The following PCP4 variants were observed in gnomAD, a reference collection of about 807,000 sequenced individuals.
The protein encoded by PCP4 is calmodulin regulator protein PCP4.
A neutral mutation model predicts 10.0 loss-of-function variants in PCP4; 8 were observed. The observed-to-expected ratio is 0.80, with a 90% CI of 0.47 to 1.45. The LOEUF (loss-of-function observed/expected upper bound fraction) is 1.45. Ranked by LOEUF, PCP4 falls within the 40% of genes most tolerant of loss-of-function variation. PCP4 has a pLI of 0.00. For missense variants in PCP4, 54 were observed against 74.4 expected, an observed-to-expected ratio of 0.73 and a Z score of 1.01; for synonymous variants, 21 against 23.0, an observed-to-expected ratio of 0.91 and a Z score of 0.24.
chr21:39,896,468 G>A (rs1333679963), intron 1 of PCP4, among the ~76,000 whole-genome samples: 1 of 152,040 alleles, frequency 6.6e-6, no homozygotes, highest in Admixed American at 6.6e-5. Context: ...AAAAGAGGAG[G>A]CATCAACATA....
chr21:39,913,990 CGT>C (rs2087555136), intron 2 of PCP4, among the ~76,000 whole-genome samples: 1 of 5,170 alleles, frequency 1.9e-4, no homozygotes, highest in Non-Finnish European at 3.7e-4. Context: ...GACGCAGAAA[CGT>C]GTGTCATGAA....
intron 1 of PCP4, among the ~76,000 whole-genome samples, chr21:39,868,513 G>A (rs895931737): frequency 2.0e-5 from 3 of 152,200 alleles, no homozygotes; most frequent in Admixed American, 2.0e-4. Context: ...TTAGGACAAA[G>A]CCAGGGGTTT....
chr21:39,901,829 C>T (rs771882773), intron 2 of PCP4, among the ~76,000 whole-genome samples: 5 of 152,000 alleles, frequency 3.3e-5, no homozygotes, highest in African/African-American at 9.7e-5. Context: ...GATATTTGTA[C>T]GTGATACTTT....
intron 1 of PCP4, among the ~76,000 whole-genome samples, chr21:39,877,718 AC>A (rs1236649970): frequency 1.3e-5 from 2 of 151,814 alleles, no homozygotes; most frequent in African/African-American, 4.8e-5. Flanking sequence ...AAATACAAAA[AC>A]AAAACAAAAC....
chr21:39,892,512 G>A (rs2087437641), intron 1 of PCP4, among the ~76,000 whole-genome samples: 1 of 151,838 alleles, frequency 6.6e-6, no homozygotes, highest in African/African-American at 2.4e-5. Flanking sequence ...CACAGCTCTC[G>A]GGGGCCACAC....
At chr21:39,876,177 G>A (rs1047832211) in intron 1 of PCP4, among the ~76,000 whole-genome samples, 14 of 151,432 alleles carry the variant, frequency 9.2e-5, no homozygotes, top group Admixed American at 4.6e-4. Flanking sequence ...ACAGTTCAGC[G>A]GTATTAATTA....
At chr21:39,922,375 A>G (rs1416044948) in intron 2 of PCP4, among the ~76,000 whole-genome samples, 1 of 152,236 alleles carries the variant, frequency 6.6e-6, no homozygotes, top group African/African-American at 2.4e-5. Context: ...TTGTGACATA[A>G]TAAAACATAT....
intron 1 of PCP4, among the ~76,000 whole-genome samples, chr21:39,876,121 GTAAA>G (rs2087344438): frequency 1.3e-5 from 2 of 149,840 alleles, no homozygotes; most frequent in Non-Finnish European, 3.0e-5. Flanking sequence ...TAAATATATA[GTAAA>G]TAATATATAT....
intron 1 of PCP4, among the ~76,000 whole-genome samples, chr21:39,888,581 C>G (rs567966983): frequency 2.0e-5 from 3 of 152,312 alleles, no homozygotes; most frequent in African/African-American, 7.2e-5. Flanking sequence ...GTTGGCACAC[C>G]TCCCTCAAGA....
chr21:39,867,534 A>AG (rs1389308964), intron 1 of PCP4, 24 bp downstream of exon 1: 1 of 1,612,646 alleles, frequency 6.2e-7, no homozygotes, highest in Non-Finnish European at 8.5e-7. Context: ...CGACCTGGAG[A>AG]GGGAAACTTA....
intron 1 of PCP4, among the ~76,000 whole-genome samples, chr21:39,879,435 AT>A (rs1179126424): frequency 6.6e-6 from 1 of 152,158 alleles, no homozygotes; most frequent in Non-Finnish European, 1.5e-5. Context: ...TATTCTATGA[AT>A]TTCCATGTCA....
intron 2 of PCP4, chr21:39,926,027 T>C (rs547677508): frequency 4.4e-6 from 2 of 456,182 alleles, no homozygotes; most frequent in East Asian, 1.4e-4. Flanking sequence ...GTCTAATTGG[T>C]TGTCCCTTCT....
intron 1 of PCP4, among the ~76,000 whole-genome samples, chr21:39,875,261 G>GT (rs11437083): frequency 0.63 from 94,636 of 149,648 alleles, 30,438 homozygotes; most frequent in African/African-American, 0.75. Flanking sequence ...TTTTCTCACA[G>GT]TTTTTTTTTT....
intron 2 of PCP4, among the ~76,000 whole-genome samples, chr21:39,901,358 T>G (rs920127237): frequency 6.6e-6 from 1 of 152,258 alleles, no homozygotes. Flanking sequence ...TCTCATGTCA[T>G]GCCTTGAGGA....
intron 2 of PCP4, among the ~76,000 whole-genome samples, chr21:39,921,600 A>G (rs2087596864): frequency 6.6e-6 from 1 of 152,182 alleles, no homozygotes; most frequent in Non-Finnish European, 1.5e-5. Context: ...ACCCAAATTA[A>G]TATGTGGAAG....
chr21:39,899,593 G>A (rs1445403144), intron 2 of PCP4, among the ~76,000 whole-genome samples: 1 of 152,272 alleles, frequency 6.6e-6, no homozygotes, highest in African/African-American at 2.4e-5. Context: ...TGAGTGCAGT[G>A]TTCCCTGGGT....
At chr21:39,922,789 C>G (rs191226969) in intron 2 of PCP4, among the ~76,000 whole-genome samples, 1 of 152,200 alleles carries the variant, frequency 6.6e-6, no homozygotes, top group South Asian at 2.1e-4. Context: ...GTTCACGTAG[C>G]TGCCCAGCCT....
At chr21:39,873,939 C>T (rs932268875) in intron 1 of PCP4, among the ~76,000 whole-genome samples, 1 of 152,224 alleles carries the variant, frequency 6.6e-6, no homozygotes, top group Non-Finnish European at 1.5e-5. Flanking sequence ...ATTTACTGCT[C>T]ATTCCATTTC....
At chr21:39,919,393 C>T (rs1292030300) in intron 2 of PCP4, among the ~76,000 whole-genome samples, 2 of 152,238 alleles carry the variant, frequency 1.3e-5, no homozygotes, top group African/African-American at 2.4e-5. Flanking sequence ...AATTGCAAGG[C>T]ATACTTAAGT....
Sources: allele counts gnomAD v4.1 joint callset (sites outside exome capture counted in the v4.1 genomes callset), GRCh38; gene constraint gnomAD v4.1.1; transcripts MANE v1.5; gene names NCBI Gene and HGNC (gene_info 2026-07-23, HGNC 2026-07-21).